Variants in VAV3 observed in about 807,000 individuals in gnomAD.
VAV3 encodes guanine nucleotide exchange factor VAV3.
Under a neutral mutation model 131.2 loss-of-function variants are expected in VAV3, and 94 were observed. The observed-to-expected ratio is 0.72, with a 90% CI of 0.61 to 0.85. VAV3 has a LOEUF of 0.85. Ranked by LOEUF, VAV3 falls within the 40% of genes least tolerant of loss-of-function variation. The pLI is 0.00. For synonymous variants in VAV3, 349 were observed against 342.0 expected, an observed-to-expected ratio of 1.02 and a Z score of -0.22; for missense variants, 939 against 1,002.7, an observed-to-expected ratio of 0.94 and a Z score of 0.86.
At chr1:107,957,489 C>T (rs1473403518) in intron 1 of VAV3, among the ~76,000 whole-genome samples, 1 of 152,110 alleles carries the variant, frequency 6.6e-6, no homozygotes, top group Non-Finnish European at 1.5e-5. Context: ...CAGACTGAGG[C>T]TGTCAGTATG....
chr1:107,765,422 G>A (rs1228456360), intron 8 of VAV3, among the ~76,000 whole-genome samples: 1 of 152,144 alleles, frequency 6.6e-6, no homozygotes, highest in African/African-American at 2.4e-5. Context: ...ATAGCAGGCA[G>A]AATTTACAAA....
At chr1:107,616,170 T>G (rs1653139979) in intron 21 of VAV3, among the ~76,000 whole-genome samples, 1 of 152,118 alleles carries the variant, frequency 6.6e-6, no homozygotes, top group African/African-American at 2.4e-5. Context: ...CCCAGCAATA[T>G]TCACAAACAT....
At chr1:107,630,946 C>CA (rs1380842623) in intron 20 of VAV3, among the ~76,000 whole-genome samples, 1 of 152,114 alleles carries the variant, frequency 6.6e-6, no homozygotes, top group Non-Finnish European at 1.5e-5. Flanking sequence ...ATGTACCTTC[C>CA]ATATGTCCAG....
chr1:107,706,055 T>C (rs1393018103), intron 15 of VAV3, among the ~76,000 whole-genome samples: 5 of 152,178 alleles, frequency 3.3e-5, no homozygotes, highest in Non-Finnish European at 7.3e-5. Context: ...TTTTTGCTAT[T>C]ATTTTTGATG....
chr1:107,936,998 G>A (rs1305409314), intron 1 of VAV3, among the ~76,000 whole-genome samples: 2 of 152,064 alleles, frequency 1.3e-5, no homozygotes, highest in African/African-American at 4.8e-5. Context: ...AAATGGGAGG[G>A]CCAATGTGAC....
At chr1:107,911,420 C>T (rs1306323898) in intron 1 of VAV3, among the ~76,000 whole-genome samples, 2 of 152,040 alleles carry the variant, frequency 1.3e-5, no homozygotes, top group Non-Finnish European at 2.9e-5. Flanking sequence ...TGTAGTGATG[C>T]CTAATAGAAT....
At chr1:107,902,107 A>T (rs1233347767) in intron 1 of VAV3, among the ~76,000 whole-genome samples, 1 of 152,144 alleles carries the variant, frequency 6.6e-6, no homozygotes, top group Non-Finnish European at 1.5e-5. Context: ...AAATAAAAAA[A>T]TAAAAAAAAA....
At chr1:107,799,345 T>C (rs1429263099) in intron 2 of VAV3, among the ~76,000 whole-genome samples, 2 of 149,950 alleles carry the variant, frequency 1.3e-5, no homozygotes, top group East Asian at 1.9e-4. Context: ...TTCTATCACG[T>C]AGAAAAAATA....
intron 9 of VAV3, among the ~76,000 whole-genome samples, chr1:107,762,360 C>T (rs1251098951): frequency 1.3e-5 from 2 of 152,054 alleles, no homozygotes; most frequent in South Asian, 2.1e-4. Context: ...TCTAATGATC[C>T]GTGACTTAAT....
chr1:107,636,776 G>A (rs1654962283), intron 20 of VAV3, among the ~76,000 whole-genome samples: 1 of 152,142 alleles, frequency 6.6e-6, no homozygotes, highest in South Asian at 2.1e-4. Context: ...AGGACCATCT[G>A]TATTTTGAAC....
Position 107,591,379 on chromosome 1 carries a change from T to A in VAV3, c.2350+4833A>T, listed in dbSNP as rs909787103. Among the ~76,000 whole-genome samples, 4 of 152,144 alleles carry A rather than the reference T, an allele frequency of 2.6e-5. No individual in the cohort carries two copies. The South Asian group carries it at 6.2e-4, about 24-fold the overall frequency. On this transcript the variant is annotated intron_variant, in intron 25 of 26. Coordinates refer to ENST00000370056, the MANE Select transcript of VAV3 (RefSeq NM_006113.5). The stretch of plus-strand genomic sequence containing the variant: ...AGTATCTAGCACAAGGCCTAGCACA[T>A]ACTAAGTACTGAAAATATTTTCAGG...
intron 19 of VAV3, among the ~76,000 whole-genome samples, chr1:107,670,041 C>A (rs1297241906): frequency 6.6e-6 from 1 of 152,154 alleles, no homozygotes; most frequent in African/African-American, 2.4e-5. Flanking sequence ...TACATTATAT[C>A]ATTTGTGCCA....
At chr1:107,682,648 G>A (rs1490493707) in intron 19 of VAV3, among the ~76,000 whole-genome samples, 2 of 152,186 alleles carry the variant, frequency 1.3e-5, no homozygotes, top group African/African-American at 4.8e-5. Context: ...TGTGGTTTCA[G>A]TTATAAACTA....
intron 21 of VAV3, among the ~76,000 whole-genome samples, chr1:107,614,117 C>G (rs558309225): frequency 1.3e-5 from 2 of 151,970 alleles, no homozygotes; most frequent in African/African-American, 4.8e-5. Context: ...GGGTTTTCTC[C>G]TAGTTCATCC....
At chr1:107,707,774 T>C (rs998514818) in intron 15 of VAV3, among the ~76,000 whole-genome samples, 1 of 152,154 alleles carries the variant, frequency 6.6e-6, no homozygotes, top group East Asian at 1.9e-4. Flanking sequence ...GAGGAGATCA[T>C]ACATGGTCCG....
intron 21 of VAV3, among the ~76,000 whole-genome samples, chr1:107,616,197 C>T (rs1418897209): frequency 6.6e-6 from 1 of 152,058 alleles, no homozygotes; most frequent in Admixed American, 6.6e-5. Flanking sequence ...AATCTAAATG[C>T]CCATATGTTT....
intron 2 of VAV3, among the ~76,000 whole-genome samples, chr1:107,849,739 ATCT>A (rs1291068661): frequency 6.6e-6 from 1 of 152,040 alleles, no homozygotes; most frequent in Non-Finnish European, 1.5e-5. Flanking sequence ...CTAATTAAAG[ATCT>A]TCTACACAGC....
chr1:107,930,454 T>A (rs1443735807), intron 1 of VAV3, among the ~76,000 whole-genome samples: 3 of 151,966 alleles, frequency 2.0e-5, no homozygotes, highest in Non-Finnish European at 1.5e-5. Context: ...CAAAAAGAAA[T>A]CAATTAGTCA....
At position 107,652,636 on chromosome 1, in the gene VAV3, T is replaced by C. The variant is rs551388441; in HGVS notation, c.1778-9881A>G. ...CTCCTCTTGTTTTCATATATATATTTATATTGCCTAAATTTGTATGATAAA... is the reference window on the plus strand; with the variant it reads ...CTCCTCTTGTTTTCATATATATATTCATATTGCCTAAATTTGTATGATAAA... On this transcript the variant is annotated intron_variant, in intron 19 of 26. Transcript: ENST00000370056. 2.6e-5 allele frequency among the ~76,000 whole-genome samples: 4 copies of C among 152,290 alleles called. No homozygotes were observed. In the South Asian group the frequency reaches 8.3e-4, roughly 32 times the overall value.
Sources: allele counts gnomAD v4.1 joint callset (sites outside exome capture counted in the v4.1 genomes callset), GRCh38; gene constraint gnomAD v4.1.1; transcripts MANE v1.5; gene names NCBI Gene and HGNC (gene_info 2026-07-23, HGNC 2026-07-21).